Variants in SYNPO observed in about 807,000 individuals in gnomAD.
The protein encoded by SYNPO is synaptopodin.
In SYNPO, 19 loss-of-function variants were observed where a neutral mutation model predicts 49.5. The ratio of observed to expected loss-of-function variants is 0.38; its 90% CI spans 0.27 to 0.56. The LOEUF is 0.56. SYNPO is among the 20% of genes least tolerant of loss of function. The probability of loss-of-function intolerance (pLI) is 0.68; values close to 1 mark genes in which losing one functional copy is unlikely to be tolerated. For missense variants in SYNPO, 1,131 were observed against 1,248.3 expected, an observed-to-expected ratio of 0.91 and a Z score of 1.42; for synonymous variants, 536 against 548.0, an observed-to-expected ratio of 0.98 and a Z score of 0.31.
chr5:150,629,972 A>G (rs1757485026), intron 2 of SYNPO, among the ~76,000 whole-genome samples: 1 of 152,030 alleles, frequency 6.6e-6, no homozygotes. Context: ...GGGCTCAGAA[A>G]AAGCAAGCCA....
At chr5:150,638,681 C>T (rs557838248), upstream of SYNPO, among the ~76,000 whole-genome samples, 185 of 152,292 alleles carry the variant, frequency 1.2e-3, no homozygotes, top group Non-Finnish European at 2.3e-3. Flanking sequence ...CAGAGTGTGT[C>T]AGGCCCTGGG....
At position 150,656,955 on chromosome 5, in the gene SYNPO, G is replaced by A. The variant is rs1192692450; in HGVS notation, c.2580G>A (p.Val860=). The A allele has an allele frequency of 4.4e-6, 7 of 1,587,180 alleles. No individual in the cohort carries two copies. Among genetic ancestry groups the A allele is most frequent in the Non-Finnish European group, 6.0e-6 (7 of 1,167,628 alleles). ...LYRRSPTDSD[V]SLDSEDSGAK... is the part of the protein sequence containing the mutation. ...GCCGCTCGCCCACGGACTCCGACGT[G>A]TCCCTCGACTCCGAGGACTCCGGGG... is the stretch of plus-strand genomic sequence containing the variant. The change falls in exon 3 of 3, where the codon GTG becomes GTA. Residue 860 remains valine, a synonymous_variant. Coordinates refer to ENST00000307662, the MANE Select transcript of SYNPO (RefSeq NM_007286.6).
chr5:150,618,423 C>T, exon 2 of SYNPO: 1 of 1,551,630 alleles, frequency 6.4e-7, no homozygotes, highest in Non-Finnish European at 8.7e-7. Flanking sequence ...GGGAGGCCTA[C>T]CCCCTGCGCC....
chr5:150,621,254 C>G (rs1257957782), intron 2 of SYNPO, among the ~76,000 whole-genome samples: 14 of 152,176 alleles, frequency 9.2e-5, no homozygotes, highest in Non-Finnish European at 1.8e-4. Flanking sequence ...CACCAGGCCT[C>G]ATTCCTTTCT....
upstream of SYNPO, among the ~76,000 whole-genome samples, chr5:150,636,746 C>G (rs1176142732): frequency 7.2e-6 from 1 of 138,996 alleles, no homozygotes; most frequent in Admixed American, 7.8e-5. Flanking sequence ...GGGTTCAAAA[C>G]TGGTTCTGGC....
chr5:150,656,316 G>A lies in SYNPO; in HGVS notation c.2029-88G>A. 3.5e-6 allele frequency: 4 copies of A among 1,132,620 alleles called. No individual in the cohort carries two copies. The South Asian group carries it at 5.9e-5, about 17-fold the overall frequency. The allele number at this position is 1,132,620 out of a possible 1,614,324, so 70.2% of individuals were successfully genotyped here. The stretch of plus-strand genomic sequence containing the variant: ...CGGTGGCTTCCCTTCTCGGTGTAAT[G>A]GACAAATCGGACTCCGTCCCTTCCT... On this transcript the variant is annotated intron_variant, in intron 2 of 2. Transcript: ENST00000307662.
Position 150,657,791 on chromosome 5 carries a change from G to T in SYNPO, c.*704G>T, listed in dbSNP as rs1181799515. The T allele has an allele frequency of 6.6e-6, 1 of 152,580 alleles. No homozygotes were observed. The highest frequency in any genetic ancestry group is 2.4e-5 in the African/African-American group (1 of 41,460). 9.5% of individuals were successfully genotyped at this position (152,580 alleles called of 1,614,324 possible). On this transcript the variant is annotated 3_prime_UTR_variant, in exon 3 of 3. Transcript: ENST00000307662. ...GTCCCACTATCCCCTCTGGAGGGAAGAGGCAGGAAAATTCTCCCCGGGTCC... is the reference window on the plus strand; with the variant it reads ...GTCCCACTATCCCCTCTGGAGGGAATAGGCAGGAAAATTCTCCCCGGGTCC...
At chr5:150,638,608 G>A (rs1757794394), upstream of SYNPO, among the ~76,000 whole-genome samples, 1 of 152,218 alleles carries the variant, frequency 6.6e-6, no homozygotes, top group South Asian at 2.1e-4. Flanking sequence ...AGAGGACAGA[G>A]ACCAGTCCTG....
chr5:150,622,392 T>G (rs910630537), intron 2 of SYNPO, among the ~76,000 whole-genome samples: 8 of 152,176 alleles, frequency 5.3e-5, no homozygotes, highest in African/African-American at 1.9e-4. Context: ...AAAAGGTTGT[T>G]CAGGCTCTGG....
chr5:150,648,923 C>T lies in SYNPO; in HGVS notation c.648C>T (p.Thr216=), dbSNP rs750103301. Residue 216 remains threonine, a synonymous_variant, in exon 2 of 3, where the codon ACC becomes ACT. Coordinates refer to ENST00000307662, the MANE Select transcript of SYNPO (RefSeq NM_007286.6). The surrounding 1 kb of genome is among the most constrained non-coding windows in gnomAD (Gnocchi z 5.0). ...DQEMSGRAAA[T]TPTKVYSEVH... is the part of the protein sequence containing the mutation. ...AGATGTCTGGGCGAGCAGCTGCCAC[C>T]ACGCCCACCAAGGTCTACAGTGAGG... 1 of 1,614,224 alleles carries T rather than the reference C, an allele frequency of 6.2e-7. No homozygotes were observed.
At chr5:150,588,287 C>T in the SYNPO span, among the ~76,000 whole-genome samples, 27 of 152,130 alleles carry the variant, frequency 1.8e-4, no homozygotes, top group Non-Finnish European at 2.9e-4. Context: ...TGGTGTGCCC[C>T]GGGGGTCGGG....
At chr5:150,638,317 A>G (rs1457067415), upstream of SYNPO, among the ~76,000 whole-genome samples, 12 of 152,134 alleles carry the variant, frequency 7.9e-5, no homozygotes, top group Non-Finnish European at 1.5e-5. Flanking sequence ...TAACACAGTG[A>G]TTTGAGATTT....
chr5:150,640,810 A>C lies in SYNPO; in HGVS notation c.-377A>C. 1.0e-6 allele frequency: 1 copy of C among 985,640 alleles called. No individual in the cohort carries two copies. The highest frequency in any genetic ancestry group is 1.2e-6 in the Non-Finnish European group (1 of 829,948). The allele number at this position is 985,640 out of a possible 1,614,324, so 61.1% of individuals were successfully genotyped here. ...TGAGAACCAAGGCTTGAAGGCCGGC[A>C]GGAGCATCCAGGGGGAAGCTTGGCT... is the stretch of plus-strand genomic sequence containing the variant. On this transcript the variant is annotated 5_prime_UTR_variant, in exon 1 of 3. Transcript: ENST00000307662.
chr5:150,611,268 G>C (rs1756838269), intron 1 of SYNPO, among the ~76,000 whole-genome samples: 1 of 152,184 alleles, frequency 6.6e-6, no homozygotes, highest in African/African-American at 2.4e-5. Context: ...TTTGTTCACT[G>C]TGTACTGCCA....
chr5:150,607,257 C>T (rs1251916069), intron 1 of SYNPO, among the ~76,000 whole-genome samples: 1 of 151,842 alleles, frequency 6.6e-6, no homozygotes, highest in African/African-American at 2.4e-5. Flanking sequence ...AGGAACATAG[C>T]TGTCGAAAGA....
chr5:150,609,789 G>T (rs551228081), intron 1 of SYNPO, among the ~76,000 whole-genome samples: 3 of 150,808 alleles, frequency 2.0e-5, no homozygotes, highest in Non-Finnish European at 3.0e-5. Flanking sequence ...AATGTGGCGG[G>T]GGGGGGCAGT....
chr5:150,656,871 T>C lies in SYNPO; in HGVS notation c.2496T>C (p.Pro832=), dbSNP rs1319574991. Residue 832 remains proline, a synonymous_variant, in exon 3 of 3, where the codon CCT becomes CCC. Coordinates refer to ENST00000307662, the MANE Select transcript of SYNPO (RefSeq NM_007286.6). ...PIPRSPLPAG[P]SSCTSPRSPL... is the part of the protein sequence containing the mutation. ...CGCGGAGCCCGTTGCCCGCCGGTCC[T>C]TCGTCCTGCACCAGTCCCCGGAGCC... is the stretch of plus-strand genomic sequence containing the variant. 4.5e-6 allele frequency: 7 copies of C among 1,572,938 alleles called. No homozygotes were observed. The highest frequency in any genetic ancestry group is 6.0e-6 in the Non-Finnish European group (7 of 1,161,502).
intron 2 of SYNPO, among the ~76,000 whole-genome samples, chr5:150,621,201 C>T (rs1757161977): frequency 6.6e-6 from 1 of 152,172 alleles, no homozygotes; most frequent in Non-Finnish European, 1.5e-5. Flanking sequence ...GGTCTGCCTG[C>T]CTCGGCCTCC....
intron 2 of SYNPO, among the ~76,000 whole-genome samples, chr5:150,626,066 G>T (rs1223397979): frequency 1.3e-5 from 2 of 152,200 alleles, no homozygotes; most frequent in Non-Finnish European, 2.9e-5. Flanking sequence ...ATTAGAAAGT[G>T]GAAGTGAAAC....
Sources: gnomAD v4.1 joint callset for allele counts (sites outside exome capture counted in the v4.1 genomes callset) on GRCh38, gnomAD v4.1.1 for gene constraint, Gnocchi (gnomAD v3.1) non-coding constraint, MANE v1.5 for transcripts, NCBI Gene and HGNC (gene_info 2026-07-23, HGNC 2026-07-21) for gene names.